The following SPTAN1 variants were observed in gnomAD, a reference collection of about 807,000 sequenced individuals.
SPTAN1 encodes spectrin alpha, non-erythrocytic 1.
In SPTAN1, 61 loss-of-function variants were observed where a neutral mutation model predicts 331.3. That is an observed-to-expected ratio of 0.18 (90% CI 0.15 to 0.23). The LOEUF is 0.23. SPTAN1 is among the 10% of genes least tolerant of loss of function. SPTAN1 has a pLI of 1.00. For synonymous variants in SPTAN1, 1,153 were observed against 1,173.9 expected (o/e 0.98, Z 0.36); for missense variants, 2,043 against 3,147.9 (o/e 0.65, Z 8.40).
intron 27 of SPTAN1, among the ~76,000 whole-genome samples, chr9:128,602,087 C>T (rs1855224959): frequency 1.3e-5 from 2 of 151,888 alleles, no homozygotes; most frequent in African/African-American, 4.8e-5. Flanking sequence ...TTATTGGAGA[C>T]AGTGGGTCCA....
rs886523048 is a variant in SPTAN1 at position 128,588,718 on chromosome 9, G to A, written c.2872-91G>A. 23 of 1,558,408 alleles carry A rather than the reference G, an allele frequency of 1.5e-5. No individual in the cohort carries two copies. In the African/African-American group the frequency reaches 2.4e-4, roughly 17 times the overall value. Reference sequence around the variant, plus strand: ...CATGAGTGTATATTTGGTACATTTGGTACAGCTGGTGGCATTTGAATCTGC... The same window carrying A: ...CATGAGTGTATATTTGGTACATTTGATACAGCTGGTGGCATTTGAATCTGC... On this transcript the variant is annotated intron_variant, in intron 20 of 56. Coordinates refer to ENST00000372739, the MANE Select transcript of SPTAN1 (RefSeq NM_001130438.3).
intron 46 of SPTAN1, chr9:128,624,718 C>T (rs568381051): frequency 2.0e-4 from 118 of 587,702 alleles, no homozygotes; most frequent in Non-Finnish European, 2.7e-4. Flanking sequence ...AGCCTGTAAA[C>T]GCTGCTGCAC....
chr9:128,574,857 AAAAGGGAAG>A, intron 4 of SPTAN1, 42 bp downstream of exon 4: 5 of 1,613,692 alleles, frequency 3.1e-6, no homozygotes, highest in Non-Finnish European at 3.4e-6. Context: ...TTACTCAAAG[AAAAGGGAAG>A]AGACTCCTCT....
chr9:128,607,951 A>G lies in SPTAN1; in HGVS notation c.4246A>G (p.Ile1416Val). The G allele has an allele frequency of 1.9e-6, 3 of 1,614,074 alleles. No individual in the cohort carries two copies. Among genetic ancestry groups the G allele is most frequent in the Non-Finnish European group, 1.7e-6 (2 of 1,180,016 alleles). The change falls in exon 33 of 57, where the codon ATC becomes GTC. Residue 1416 changes from isoleucine to valine, a missense_variant. Ile to Val is a conservative substitution (Grantham distance 29). Transcript: ENST00000372739. ...LAHGHYASPE[I>V]KQKLDILDQE... ...TCACGGACACTATGCCAGCCCTGAG[A>G]TCAAGCAGAAACTTGATATTCTTGA...
At chr9:128,630,942 C>T (rs994932927) in intron 52 of SPTAN1, among the ~76,000 whole-genome samples, 3 of 152,136 alleles carry the variant, frequency 2.0e-5, no homozygotes, top group African/African-American at 4.8e-5. Flanking sequence ...CTCCTGACCT[C>T]GGCTGATCTG....
intron 34 of SPTAN1, 107 bp downstream of exon 34, chr9:128,608,383 T>G: frequency 7.4e-7 from 1 of 1,359,886 alleles, no homozygotes; most frequent in Non-Finnish European, 1.0e-6. Flanking sequence ...CTGCGTTGTC[T>G]AAGAAAAATA....
chr9:128,585,689 G>T, intron 18 of SPTAN1, 59 bp from the exon 19 acceptor site: 1 of 1,401,576 alleles, frequency 7.1e-7, no homozygotes, highest in Non-Finnish European at 1.0e-6. Context: ...ACTTATTTTT[G>T]TCCTTCTGTG....
chr9:128,555,365 T>A, intron 1 of SPTAN1: 10 of 1,289,684 alleles, frequency 7.8e-6, no homozygotes, highest in Non-Finnish European at 1.0e-5. Context: ...CATTCCTCCA[T>A]CATGTTGTCA....
intron 40 of SPTAN1, among the ~76,000 whole-genome samples, 184 bp downstream of exon 40, chr9:128,613,669 A>G (rs1856807732): frequency 6.6e-6 from 1 of 152,186 alleles, no homozygotes; most frequent in Non-Finnish European, 1.5e-5. Context: ...AGAGATTTTT[A>G]TTATGTAGGT....
chr9:128,624,086 CAAAAAAAAAAAAAAAA>C (rs11444346), intron 45 of SPTAN1, among the ~76,000 whole-genome samples: 3 of 66,812 alleles, frequency 4.5e-5, no homozygotes, highest in South Asian at 5.2e-4. Context: ...CACTCCGTCT[CAAAAAAAAAAAAAAAA>C]AAAAAAAAAA....
Position 128,582,853 on chromosome 9 carries a change from A to G in SPTAN1, c.1806+4A>G, listed in dbSNP as rs770046688. On this transcript the variant is annotated splice_donor_region_variant and intron_variant, in intron 14 of 56. Coordinates refer to ENST00000372739, the MANE Select transcript of SPTAN1 (RefSeq NM_001130438.3). ...TGCCACAGATGAAGCTTATAAAGTA[A>G]TGTACTGTTAGTGTTGCCATGTAGC... 4.3e-5 allele frequency: 70 copies of G among 1,612,274 alleles called. No individual in the cohort carries two copies. In the Admixed American group the frequency reaches 1.2e-3, roughly 26 times the overall value.
intron 3 of SPTAN1, among the ~76,000 whole-genome samples, chr9:128,573,845 C>T (rs1439101332): frequency 1.3e-5 from 2 of 152,004 alleles, no homozygotes; most frequent in East Asian, 1.9e-4. Flanking sequence ...GCTCCAACTC[C>T]CTGGGGTCAA....
At position 128,576,849 on chromosome 9, in the gene SPTAN1, C is replaced by T. The variant is rs1716799949; in HGVS notation, c.678C>T (p.Ile226=). The T allele has an allele frequency of 1.2e-6, 2 of 1,613,808 alleles. No individual in the cohort carries two copies. Among genetic ancestry groups the T allele is most frequent in the African/African-American group, 1.3e-5 (1 of 74,920 alleles). ...IQEQHPEEEL[I]KTKQDEVNAA... is the part of the protein sequence containing the mutation. The stretch of plus-strand genomic sequence containing the variant: ...AGCAGCACCCTGAGGAGGAACTGAT[C>T]AAGACTAAGCAGGATGAAGTCAATG... The change falls in exon 6 of 57, where the codon ATC becomes ATT. Residue 226 remains isoleucine, a synonymous_variant. Coordinates refer to ENST00000372739, the MANE Select transcript of SPTAN1 (RefSeq NM_001130438.3).
chr9:128,596,111 T>A (rs1854241158), intron 24 of SPTAN1: 1 of 152,298 alleles, frequency 6.6e-6, no homozygotes, highest in Non-Finnish European at 1.5e-5. Context: ...CCCAAAGTGC[T>A]GGGATTACAG....
At chr9:128,557,842 C>T (rs1228924665) in intron 1 of SPTAN1, among the ~76,000 whole-genome samples, 9 of 139,552 alleles carry the variant, frequency 6.4e-5, no homozygotes, top group Non-Finnish European at 9.0e-5. Context: ...CTCGCTCTGT[C>T]GCCCAGGCTG....
intron 46 of SPTAN1, 144 bp from the exon 47 acceptor site, chr9:128,624,959 T>C (rs543619314): frequency 2.1e-4 from 167 of 783,248 alleles, no homozygotes; most frequent in Middle Eastern, 1.0e-3. Flanking sequence ...GGGAGGGGCC[T>C]GCTAATGTGG....
At position 128,575,490 on chromosome 9, in the gene SPTAN1, AG is replaced by A. The variant is rs1181249803; in HGVS notation, c.651+147del. ...TGTCTGAGAGTTTTGTTTAGATGTG[AG>A]GCACAATACTGATTACTCCTAAATT... is the stretch of plus-strand genomic sequence containing the variant. On this transcript the variant is annotated intron_variant, in intron 5 of 56. Coordinates refer to ENST00000372739, the MANE Select transcript of SPTAN1 (RefSeq NM_001130438.3). 4.4e-6 allele frequency: 4 copies of A among 908,138 alleles called. No homozygotes were observed. In the Admixed American group the frequency reaches 8.1e-5, roughly 18 times the overall value. The allele number at this position is 908,138 out of a possible 1,614,324, so 56.3% of individuals were successfully genotyped here. A position where few individuals can be genotyped will look rare whatever the true frequency, so the allele number is the denominator to read the frequency against.
intron 9 of SPTAN1, 45 bp from the exon 10 acceptor site, chr9:128,579,573 GCACCTTGTTTTTATTTTGT>G (rs1851699254): frequency 7.7e-7 from 1 of 1,306,556 alleles, no homozygotes; most frequent in South Asian, 1.2e-5. Context: ...GTAAAATTCA[GCACCTTGTTTTTATTTTGT>G]AAGATGCTGG....
chr9:128,614,160 A>G (rs1856861489), intron 40 of SPTAN1, among the ~76,000 whole-genome samples: 1 of 152,006 alleles, frequency 6.6e-6, no homozygotes, highest in Non-Finnish European at 1.5e-5. Flanking sequence ...ATAGTTTCTT[A>G]AAGCTTAGCT....
Sources: allele counts gnomAD v4.1 joint callset (sites outside exome capture counted in the v4.1 genomes callset), GRCh38; gene constraint gnomAD v4.1.1; transcripts MANE v1.5; gene names NCBI Gene and HGNC (gene_info 2026-07-23, HGNC 2026-07-21).